The following PLEKHH1 variants were observed in gnomAD, a reference collection of about 807,000 sequenced individuals.
PLEKHH1 encodes the protein pleckstrin homology domain-containing family H member 1.
In PLEKHH1, 104 loss-of-function variants were observed where a neutral mutation model predicts 160.0. The ratio of observed to expected loss-of-function variants is 0.65; its 90% CI spans 0.55 to 0.76. The LOEUF (loss-of-function observed/expected upper bound fraction) is 0.76, where lower values mean the gene tolerates loss of function less well. PLEKHH1 is among the 30% of genes least tolerant of loss of function. The pLI is 0.00. For missense variants in PLEKHH1, 1,427 were observed against 1,724.1 expected (o/e 0.83, Z 3.05); for synonymous variants, 619 against 678.4 (o/e 0.91, Z 1.36).
chr14:67,577,263 A>G (rs1288352379), intron 17 of PLEKHH1, 39 bp from the exon 18 acceptor site: 1 of 1,322,830 alleles, frequency 7.6e-7, no homozygotes, highest in Non-Finnish European at 1.1e-6. Flanking sequence ...CCCTCTCAGT[A>G]GTAACTGCCC....
chr14:67,569,982 C>T lies in PLEKHH1; in HGVS notation c.1404C>T (p.Val468=), dbSNP rs1460933641. The T allele has an allele frequency of 1.2e-6, 2 of 1,607,430 alleles. No individual in the cohort carries two copies. Among genetic ancestry groups the T allele is most frequent in the African/African-American group, 1.3e-5 (1 of 74,828 alleles). Reference sequence around the variant, plus strand: ...TCTCTGGCCTGGTCTACAAGAATGTCACTGTGCCTGTCTACACAGCACTGA... The same window carrying T: ...TCTCTGGCCTGGTCTACAAGAATGTTACTGTGCCTGTCTACACAGCACTGA... ...GSFSGLVYKN[V]TVPVYTALKG... Residue 468 remains valine (V), a synonymous_variant, in exon 9 of 29, where the codon GTC becomes GTT. Transcript: ENST00000329153.
intron 2 of PLEKHH1, among the ~76,000 whole-genome samples, chr14:67,552,640 G>A (rs1424841789): frequency 2.0e-5 from 3 of 146,478 alleles, no homozygotes; most frequent in Admixed American, 2.0e-4. Flanking sequence ...GGTGGCGGGT[G>A]CCTGTAGTCC....
chr14:67,547,622 G>T (rs921114649), intron 2 of PLEKHH1, among the ~76,000 whole-genome samples: 8 of 152,086 alleles, frequency 5.3e-5, no homozygotes, highest in African/African-American at 1.9e-4. Context: ...ACTGCAGGCT[G>T]CTCACTGCTG....
rs2036245559 is a variant in PLEKHH1, at chr14:67,587,987, C to T, written c.*752C>T. 1 of 152,606 alleles carries T rather than the reference C, an allele frequency of 6.6e-6. No homozygotes were observed. Among genetic ancestry groups the T allele is most frequent in the East Asian group, 1.9e-4 (1 of 5,198 alleles). 9.5% of individuals were successfully genotyped at this position (152,606 alleles called of 1,614,324 possible). A position where few individuals can be genotyped will look rare whatever the true frequency, so the allele number is the denominator to read the frequency against. On this transcript the variant is annotated 3_prime_UTR_variant, in exon 29 of 29. Coordinates refer to ENST00000329153, the MANE Select transcript of PLEKHH1 (RefSeq NM_020715.3). ...GAACTCACTAAACTGGGCTGCCTTTCCCAAATGGGAAAGGTGCTGACAGAG... is the reference window on the plus strand; with the variant it reads ...GAACTCACTAAACTGGGCTGCCTTTTCCAAATGGGAAAGGTGCTGACAGAG...
rs2035634416 is a variant in PLEKHH1, at chr14:67,576,635, C to T, written c.2461+132C>T. 1.5e-5 allele frequency: 8 copies of T among 544,906 alleles called. No homozygotes were observed. The highest frequency in any genetic ancestry group is 6.7e-5 in the Admixed American group (2 of 29,732). 33.8% of individuals were successfully genotyped at this position (544,906 alleles called of 1,614,324 possible). A position where few individuals can be genotyped will look rare whatever the true frequency, so the allele number is the denominator to read the frequency against. ...ACATCTAAGCCACAGAGGGGAAGTT[C>T]CCATCCAAGCTCCAGGGCCCCTCTG... On this transcript the variant is annotated intron_variant, in intron 17 of 28. Transcript: ENST00000329153. The surrounding 1 kb of genome is among the most constrained non-coding windows in gnomAD (Gnocchi z 4.0).
chr14:67,581,274 G>GCACACACA (rs71129838), intron 23 of PLEKHH1, among the ~76,000 whole-genome samples: 3 of 147,998 alleles, frequency 2.0e-5, no homozygotes, highest in African/African-American at 7.5e-5. Flanking sequence ...GTGTGTATAT[G>GCACACACA]CACACACACA....
At chr14:67,550,685 C>A (rs1265001020) in intron 2 of PLEKHH1, among the ~76,000 whole-genome samples, 5 of 152,126 alleles carry the variant, frequency 3.3e-5, no homozygotes, top group African/African-American at 1.2e-4. Context: ...GTGGCCAGAT[C>A]TTTTGATTTT....
intron 14 of PLEKHH1, 50 bp from the exon 15 acceptor site, chr14:67,575,342 C>A: frequency 8.8e-7 from 1 of 1,134,142 alleles, no homozygotes; most frequent in Non-Finnish European, 1.3e-6. Context: ...CCTGGATTTA[C>A]TTCTAGAGTT....
rs778769862 is a variant in PLEKHH1 at position 67,571,841 on chromosome 14, G to A, written c.1524G>A (p.Ser508=). 7.9e-5 allele frequency: 128 copies of A among 1,613,692 alleles called. No homozygotes were observed. The highest frequency in any genetic ancestry group is 1.2e-4 in the African/African-American group (9 of 74,890). The change falls in exon 10 of 29, where the codon TCG becomes TCA. Residue 508 remains serine, a synonymous_variant. Transcript: ENST00000329153. ...DCSSQASFRI[S]VPSSESRKTS... ...GCTCTCAGGCGAGTTTCCGAATCTC[G>A]GTCCCCTCCTCTGAGTCCAGGAAGA...
At position 67,580,193 on chromosome 14, in the gene PLEKHH1, C is replaced by T. The variant is rs564051235; in HGVS notation, c.3183+317C>T. The T allele has an allele frequency of 2.1e-4, 54 of 259,148 alleles. No individual in the cohort carries two copies. The South Asian group carries it at 3.2e-3, about 15-fold the overall frequency. 16.1% of individuals were successfully genotyped at this position (259,148 alleles called of 1,614,324 possible). On this transcript the variant is annotated intron_variant, in intron 22 of 28. Coordinates refer to ENST00000329153, the MANE Select transcript of PLEKHH1 (RefSeq NM_020715.3). Reference sequence around the variant, plus strand: ...AGGCCCCACGAAGCCACTGCCTACACGTGCCCACTCAGAGGCTCACAGCTG... The same window carrying T: ...AGGCCCCACGAAGCCACTGCCTACATGTGCCCACTCAGAGGCTCACAGCTG...
chr14:67,584,164 T>A (rs1157623341), intron 26 of PLEKHH1, 40 bp downstream of exon 26: 1 of 1,594,894 alleles, frequency 6.3e-7, no homozygotes, highest in African/African-American at 1.3e-5. Flanking sequence ...CCCTTAGGTG[T>A]GTCCCCAACT....
rs772989237 is a variant in PLEKHH1, at chr14:67,587,288, T to A, written c.*53T>A. 6.3e-7 allele frequency: 1 copy of A among 1,598,824 alleles called. No individual in the cohort carries two copies. The highest frequency in any genetic ancestry group is 1.3e-5 in the African/African-American group (1 of 74,610). ...CCACTAGTGCCTCTGGATTTAGAGA[T>A]ATATATCCTAGGGTATGATACTACT... On this transcript the variant is annotated 3_prime_UTR_variant, in exon 29 of 29. Transcript: ENST00000329153.
At chr14:67,586,764 G>C (rs1594800447) in intron 28 of PLEKHH1, 1 of 1,321,066 alleles carries the variant, frequency 7.6e-7, no homozygotes, top group Admixed American at 2.9e-5. Context: ...CTAAAGGGGA[G>C]GATCTCCAGA....
intron 10 of PLEKHH1, 56 bp from the exon 11 acceptor site, chr14:67,572,079 C>A: frequency 1.3e-6 from 2 of 1,560,818 alleles, no homozygotes; most frequent in Non-Finnish European, 1.7e-6. Context: ...AGCTCCTGGG[C>A]TGCGTGAGTC....
chr14:67,580,778 TG>T (rs1322526239), intron 22 of PLEKHH1, 159 bp from the exon 23 acceptor site: 1 of 581,634 alleles, frequency 1.7e-6, no homozygotes. Flanking sequence ...GCTGCCACCT[TG>T]GGTCCAGGAA....
In PLEKHH1 at chr14:67,573,492, C is replaced by T; in HGVS notation, c.1839+106C>T. 1.3e-6 allele frequency: 1 copy of T among 798,218 alleles called. No individual in the cohort carries two copies. The highest frequency in any genetic ancestry group is 2.1e-6 in the Non-Finnish European group (1 of 486,194). 49.4% of individuals were successfully genotyped at this position (798,218 alleles called of 1,614,324 possible). A position where few individuals can be genotyped will look rare whatever the true frequency, so the allele number is the denominator to read the frequency against. On this transcript the variant is annotated intron_variant, in intron 12 of 28. Transcript: ENST00000329153. The surrounding 1 kb of genome is among the most constrained non-coding windows in gnomAD (Gnocchi z 4.8). The stretch of plus-strand genomic sequence containing the variant: ...GGGAATGTGGCCCAAGGCCAGAGGG[C>T]AAAGGTCTGGCAGGTGGGGAGAGGC...
intron 7 of PLEKHH1, among the ~76,000 whole-genome samples, chr14:67,565,000 A>T (rs1168259879): frequency 1.3e-5 from 2 of 152,090 alleles, no homozygotes; most frequent in Non-Finnish European, 2.9e-5. Context: ...CCTGTACCTG[A>T]CATTTTCCAT....
At chr14:67,561,688 C>T (rs979278483) in intron 5 of PLEKHH1, among the ~76,000 whole-genome samples, 9 of 151,666 alleles carry the variant, frequency 5.9e-5, no homozygotes, top group Non-Finnish European at 7.4e-5. Flanking sequence ...GGCAACATAG[C>T]GAGAGCTTGT....
At chr14:67,563,987 T>C (rs2034966802) in intron 7 of PLEKHH1, among the ~76,000 whole-genome samples, 1 of 151,292 alleles carries the variant, frequency 6.6e-6, no homozygotes, top group Admixed American at 6.6e-5. Context: ...CTGGAAGCTC[T>C]GCCTCCCAGT....
Sources: gnomAD v4.1 joint callset for allele counts (sites outside exome capture counted in the v4.1 genomes callset) on GRCh38, gnomAD v4.1.1 for gene constraint, Gnocchi (gnomAD v3.1) non-coding constraint, MANE v1.5 for transcripts, NCBI Gene and HGNC (gene_info 2026-07-23, HGNC 2026-07-21) for gene names.